Variants in TACC2 observed in about 807,000 individuals in gnomAD.
TACC2 encodes transforming acidic coiled-coil containing protein 2.
Under a neutral mutation model 227.3 loss-of-function variants are expected in TACC2, and 137 were observed. That is an observed-to-expected ratio of 0.60 (90% CI 0.52 to 0.69). The LOEUF (loss-of-function observed/expected upper bound fraction) is 0.69. Among genes scored for constraint, TACC2 ranks in the 30% least tolerant of loss-of-function variants. The pLI is 0.00. For missense variants in TACC2, 3,470 were observed against 3,694.4 expected (o/e 0.94, Z 1.57); for synonymous variants, 1,523 against 1,487.5 (o/e 1.02, Z -0.55).
At chr10:122,223,959 G>A (rs1425832634) in intron 11 of TACC2, among the ~76,000 whole-genome samples, 1 of 152,142 alleles carries the variant, frequency 6.6e-6, no homozygotes, top group Admixed American at 6.5e-5. Context: ...CTGGCACTGT[G>A]CAAACCATAT....
At chr10:122,244,239 T>C (rs1164538262) in intron 19 of TACC2, among the ~76,000 whole-genome samples, 1 of 152,142 alleles carries the variant, frequency 6.6e-6, no homozygotes, top group Non-Finnish European at 1.5e-5. Context: ...GTACACACAA[T>C]CCCTTAGAAC....
Position 122,050,479 on chromosome 10 carries a change from C to G in TACC2, c.75C>G (p.Pro25=). 6.2e-7 allele frequency: 1 copy of G among 1,614,092 alleles called. No individual in the cohort carries two copies. ...AGACTCCAAGGTCCGCGCAGCCACC[C>G]GGGAACAGTCAGAATATAAAAAGGA... is the stretch of plus-strand genomic sequence containing the variant. ...SAQTPRSAQP[P]GNSQNIKRKQ... The change falls in exon 3 of 23, where the codon CCC becomes CCG. Residue 25 remains proline, a synonymous_variant. Coordinates refer to ENST00000369005, the MANE Select transcript of TACC2 (RefSeq NM_206862.4). This position sits in a 1 kb window ranked among gnomAD's most constrained non-coding sequence, Gnocchi z 4.6.
intron 16 of TACC2, 83 bp downstream of exon 16, chr10:122,230,523 C>T (rs1274146673): frequency 1.6e-5 from 21 of 1,303,918 alleles, no homozygotes; most frequent in East Asian, 1.2e-4. Flanking sequence ...GCTAACCATC[C>T]GCCAGGCGGG....
intron 3 of TACC2, among the ~76,000 whole-genome samples, chr10:122,057,463 G>A (rs1482526093): frequency 2.6e-5 from 4 of 152,000 alleles, no homozygotes; most frequent in African/African-American, 7.2e-5. Context: ...CCCCCATCCA[G>A]CTGAACAGAC....
chr10:122,156,630 C>G (rs1245294829), intron 7 of TACC2, among the ~76,000 whole-genome samples: 1 of 152,226 alleles, frequency 6.6e-6, no homozygotes, highest in Non-Finnish European at 1.5e-5. Context: ...CTGAGTTTCT[C>G]TTCTTCAGTT....
chr10:122,151,989 C>T (rs2092087849), intron 7 of TACC2, among the ~76,000 whole-genome samples: 1 of 152,180 alleles, frequency 6.6e-6, no homozygotes, highest in African/African-American at 2.4e-5. Context: ...GAGAAGTTGC[C>T]CAGGGCCTGG....
At chr10:122,200,222 G>A (rs929419020) in intron 8 of TACC2, among the ~76,000 whole-genome samples, 2 of 152,238 alleles carry the variant, frequency 1.3e-5, no homozygotes, top group African/African-American at 4.8e-5. Context: ...CACTGCACCT[G>A]GGGGCCCTGG....
At chr10:122,030,435 A>G (rs1445793616) in intron 2 of TACC2, among the ~76,000 whole-genome samples, 1 of 152,152 alleles carries the variant, frequency 6.6e-6, no homozygotes, top group Non-Finnish European at 1.5e-5. Flanking sequence ...TTCTCTCACC[A>G]GGGCATGAAA....
intron 1 of TACC2, among the ~76,000 whole-genome samples, chr10:122,002,657 T>G (rs1954545582): frequency 1.3e-5 from 2 of 152,234 alleles, no homozygotes; most frequent in South Asian, 4.1e-4. Context: ...CTATCGTTTT[T>G]CTGTGGAAAT....
chr10:122,092,944 C>T (rs1359223470), intron 5 of TACC2, among the ~76,000 whole-genome samples: 1 of 152,224 alleles, frequency 6.6e-6, no homozygotes, highest in Non-Finnish European at 1.5e-5. Flanking sequence ...ACATATACAA[C>T]TATCTTCCCT....
At chr10:122,111,455 T>C (rs897782115) in intron 5 of TACC2, among the ~76,000 whole-genome samples, 1 of 144,066 alleles carries the variant, frequency 6.9e-6, no homozygotes, top group Non-Finnish European at 1.5e-5. Flanking sequence ...GTGGTGTATG[T>C]TTTTACCACA....
Position 122,083,665 on chromosome 10 carries a change from G to T in TACC2, c.1165G>T (p.Val389Phe). The T allele has an allele frequency of 5.6e-6, 9 of 1,611,726 alleles. No homozygotes were observed. Among genetic ancestry groups the T allele is most frequent in the South Asian group, 5.5e-5 (5 of 91,084 alleles). ...GMRGTKPNQVVCVAAGGQPEG... is the reference protein window; with the variant it reads ...GMRGTKPNQVFCVAAGGQPEG... ...GCGAGGAACCAAGCCCAATCAAGTT[G>T]TCTGTGTGGCAGCAGGCGGCCAGCC... The change falls in exon 4 of 23, where the codon GTC becomes TTC. Residue 389 changes from valine to phenylalanine, a missense_variant. Around this residue, in one of 10 missense-constraint regions of TACC2, gnomAD observed 1,924 missense variants for 1,978.3 expected, o/e 0.97. Transcript: ENST00000369005.
intron 7 of TACC2, among the ~76,000 whole-genome samples, chr10:122,185,611 G>A (rs763977245): frequency 6.6e-6 from 1 of 152,228 alleles, no homozygotes; most frequent in Admixed American, 6.5e-5. Flanking sequence ...GTAAGAGAAG[G>A]CTAAGTGTGT....
intron 1 of TACC2, among the ~76,000 whole-genome samples, chr10:121,993,603 CTTTT>C (rs775727542): frequency 1.6e-4 from 25 of 151,816 alleles, no homozygotes; most frequent in Admixed American, 7.9e-4. Context: ...CCTTTCGGGG[CTTTT>C]GTTTGTTTGT....
chr10:122,091,035 C>T (rs890440187), intron 5 of TACC2, among the ~76,000 whole-genome samples: 3 of 152,212 alleles, frequency 2.0e-5, no homozygotes, highest in African/African-American at 4.8e-5. Context: ...CCACCATACT[C>T]AGCCTACAAA....
intron 7 of TACC2, among the ~76,000 whole-genome samples, chr10:122,155,669 G>GC (rs2092412808): frequency 1.3e-5 from 2 of 152,128 alleles, no homozygotes; most frequent in Admixed American, 1.3e-4. Context: ...CCACGTGTCT[G>GC]CTGTGGGCCA....
At chr10:122,196,586 G>A (rs1055942173) in intron 8 of TACC2, among the ~76,000 whole-genome samples, 1 of 152,138 alleles carries the variant, frequency 6.6e-6, no homozygotes, top group Non-Finnish European at 1.5e-5. Flanking sequence ...ATATAAAACT[G>A]TATTTCTCGT....
intron 8 of TACC2, among the ~76,000 whole-genome samples, chr10:122,196,673 A>T (rs550725722): frequency 5.3e-5 from 8 of 152,322 alleles, no homozygotes; most frequent in Non-Finnish European, 2.9e-5. Context: ...TCTAGGTCAA[A>T]TGTGTGATTA....
At chr10:122,163,990 A>G (rs751205457) in intron 7 of TACC2, 12 of 1,582,454 alleles carry the variant, frequency 7.6e-6, no homozygotes, top group Non-Finnish European at 9.4e-6. Flanking sequence ...CTTCCGAGGC[A>G]ATGTAAGTGC....
Sources: gnomAD v4.1 joint callset for allele counts (sites outside exome capture counted in the v4.1 genomes callset) on GRCh38, gnomAD v4.1.1 for gene constraint, gnomAD v4.1.1 regional missense constraint, Gnocchi (gnomAD v3.1) non-coding constraint, MANE v1.5 for transcripts, NCBI Gene and HGNC (gene_info 2026-07-23, HGNC 2026-07-21) for gene names.